Variants in XKR9 observed in about 807,000 individuals in gnomAD.
XKR9 encodes the protein XK related 9, also known as XK-related protein 9.
XKR9 carries 32 observed loss-of-function variants against 32.0 expected under a neutral mutation model. That is an observed-to-expected ratio of 1.00 (90% CI 0.76 to 1.34). XKR9 has a LOEUF of 1.34. Ranked by LOEUF, XKR9 falls within the 40% of genes most tolerant of loss-of-function variation. XKR9 has a pLI of 0.00. For synonymous variants in XKR9, 168 were observed against 143.4 expected, an observed-to-expected ratio of 1.17 and a Z score of -1.22; for missense variants, 546 against 429.7, an observed-to-expected ratio of 1.27 and a Z score of -2.39.
the XKR9 span, among the ~76,000 whole-genome samples, chr8:71,034,249 T>C: frequency 1.4e-3 from 218 of 152,302 alleles, 1 homozygote; most frequent in African/African-American, 5.1e-3. Flanking sequence ...GCTGTTCTCA[T>C]GATAGTGAGT....
chr8:70,908,186 G>A, the XKR9 span, among the ~76,000 whole-genome samples: 1 of 139,390 alleles, frequency 7.2e-6, no homozygotes, highest in Admixed American at 7.2e-5. Context: ...ATTAATTCAT[G>A]CATTCATACT....
the XKR9 span, among the ~76,000 whole-genome samples, chr8:70,884,615 T>A: frequency 6.6e-6 from 1 of 152,192 alleles, no homozygotes; most frequent in Non-Finnish European, 1.5e-5. Context: ...GATGTCCAGT[T>A]GTTCTAGAAC....
At chr8:70,989,846 ACT>A in the XKR9 span, among the ~76,000 whole-genome samples, 1 of 151,844 alleles carries the variant, frequency 6.6e-6, no homozygotes, top group Non-Finnish European at 1.5e-5. Context: ...TCTGTTCTCC[ACT>A]CTCTCATCCC....
the XKR9 span, among the ~76,000 whole-genome samples, chr8:70,919,678 A>T: frequency 6.6e-6 from 1 of 152,012 alleles, no homozygotes; most frequent in Non-Finnish European, 1.5e-5. Context: ...CAGAGTATGC[A>T]TTTACATTTA....
chr8:70,871,213 T>C, the XKR9 span, among the ~76,000 whole-genome samples: 5 of 152,206 alleles, frequency 3.3e-5, no homozygotes, highest in Non-Finnish European at 5.9e-5. Flanking sequence ...TCAATCAATA[T>C]TATTAAATTT....
At chr8:70,744,374 G>T (rs1405199109) in intron 2 of XKR9, among the ~76,000 whole-genome samples, 1 of 151,946 alleles carries the variant, frequency 6.6e-6, no homozygotes, top group Non-Finnish European at 1.5e-5. Context: ...TTAACATTTA[G>T]TTCTCTCTCA....
the XKR9 span, among the ~76,000 whole-genome samples, chr8:71,065,376 C>T: frequency 6.6e-6 from 1 of 152,184 alleles, no homozygotes; most frequent in Non-Finnish European, 1.5e-5. Flanking sequence ...CACGTGAGGA[C>T]ACAACAAGAT....
intron 4 of XKR9, among the ~76,000 whole-genome samples, chr8:70,718,258 G>A (rs1806156347): frequency 6.6e-6 from 1 of 151,198 alleles, no homozygotes; most frequent in South Asian, 2.1e-4. Flanking sequence ...ACATTTTTGG[G>A]TATCTTTGTT....
the XKR9 span, among the ~76,000 whole-genome samples, chr8:70,850,189 C>T: frequency 5.7e-4 from 86 of 152,096 alleles, no homozygotes; most frequent in South Asian, 3.1e-3. Context: ...AGGCTGGGCA[C>T]GGTGGCTCAC....
the XKR9 span, among the ~76,000 whole-genome samples, chr8:70,812,635 TTA>T: frequency 6.6e-5 from 10 of 152,224 alleles, 1 homozygote; most frequent in East Asian, 1.9e-3. Flanking sequence ...ACAAGCATTC[TTA>T]TACACCAATA....
the XKR9 span, among the ~76,000 whole-genome samples, chr8:70,946,279 T>C: frequency 6.6e-6 from 1 of 152,206 alleles, no homozygotes; most frequent in African/African-American, 2.4e-5. Flanking sequence ...CCACATCTTT[T>C]TGGCCAGTCT....
chr8:70,906,516 C>T, the XKR9 span, among the ~76,000 whole-genome samples: 4 of 152,108 alleles, frequency 2.6e-5, no homozygotes, highest in African/African-American at 4.8e-5. Context: ...CTGTGGTTGC[C>T]GAGGCTGGGC....
chr8:70,879,552 A>G, the XKR9 span, among the ~76,000 whole-genome samples: 2 of 152,320 alleles, frequency 1.3e-5, no homozygotes, highest in South Asian at 4.1e-4. Flanking sequence ...AAACTAGAAA[A>G]TCTAGAAGAA....
At chr8:70,876,519 C>CA in the XKR9 span, among the ~76,000 whole-genome samples, 1 of 151,730 alleles carries the variant, frequency 6.6e-6, no homozygotes, top group Non-Finnish European at 1.5e-5. Flanking sequence ...CTGTCCAGTG[C>CA]AAAAAATGGT....
Position 70,731,174 on chromosome 8 carries a change from A to G in XKR9, c.494-2622A>G, listed in dbSNP as rs138846194. ...TAGCACAAAGCACACCAGATTTGCT[A>G]CAGCCTAAGACTAGTTTCACAAATC... On this transcript the variant is annotated intron_variant, in intron 4 of 4. Coordinates refer to ENST00000408926, the MANE Select transcript of XKR9 (RefSeq NM_001011720.2). Among the ~76,000 whole-genome samples, 825 of 152,330 alleles carry G rather than the reference A, an allele frequency of 5.4e-3. 10 individuals are homozygous for G. The highest frequency in any genetic ancestry group is 0.019 in the African/African-American group (776 of 41,582).
chr8:70,779,468 T>G lies in XKR9; in HGVS notation n.353-9871T>G, dbSNP rs537863186. On this transcript the variant is annotated intron_variant and non_coding_transcript_variant, in intron 2 of 3. Coordinates refer to the XKR9 transcript ENST00000520273. ...TGGTATCAAGATGATGCTGGCCTCA[T>G]AAAATGAGGTAGGGAGGATTCCCTC... Among the ~76,000 whole-genome samples the G allele has an allele frequency of 4.3e-4, 65 of 152,342 alleles. 1 individual carries two copies. The highest frequency in any genetic ancestry group is 1.4e-3 in the African/African-American group (59 of 41,586).
At chr8:70,739,898 A>C (rs1806940003), downstream of XKR9, among the ~76,000 whole-genome samples, 1 of 152,054 alleles carries the variant, frequency 6.6e-6, no homozygotes, top group Non-Finnish European at 1.5e-5. Context: ...GCTGCCCTTA[A>C]CATTTTTTCC....
chr8:70,873,492 A>T, the XKR9 span, among the ~76,000 whole-genome samples: 30 of 152,202 alleles, frequency 2.0e-4, no homozygotes, highest in Non-Finnish European at 4.1e-4. Context: ...GGAAGAAGTT[A>T]TTCCAACCCT....
At chr8:70,700,373 T>C (rs548593180) in intron 3 of XKR9, among the ~76,000 whole-genome samples, 1 of 152,306 alleles carries the variant, frequency 6.6e-6, no homozygotes, top group Admixed American at 6.5e-5. Flanking sequence ...GTGGATGTCC[T>C]TTCTGTTTGT....
Sources: gnomAD v4.1 joint callset for allele counts (sites outside exome capture counted in the v4.1 genomes callset) on GRCh38, gnomAD v4.1.1 for gene constraint, MANE v1.5 for transcripts, NCBI Gene and HGNC (gene_info 2026-07-23, HGNC 2026-07-21) for gene names.